COL4A2: variants seen among roughly 807,000 people sequenced by gnomAD.
COL4A2 encodes the protein collagen alpha-2(IV) chain.
COL4A2 carries 99 observed loss-of-function variants against 200.2 expected under a neutral mutation model. The observed-to-expected ratio is 0.49, with a 90% CI of 0.42 to 0.58. COL4A2 has a LOEUF of 0.58. Ranked by LOEUF, COL4A2 falls within the 20% of genes least tolerant of loss-of-function variation. The pLI is 0.00. For missense variants in COL4A2, 1,950 were observed against 2,314.1 expected (o/e 0.84, Z 3.23); for synonymous variants, 897 against 900.6 (o/e 1.00, Z 0.07).
intron 3 of COL4A2, among the ~76,000 whole-genome samples, chr13:110,318,165 T>C (rs1885189090): frequency 6.6e-6 from 1 of 152,164 alleles, no homozygotes; most frequent in Non-Finnish European, 1.5e-5. Flanking sequence ...TGTCCCAGGG[T>C]CTCATGTATG....
chr13:110,381,554 T>C (rs1878494366), intron 4 of COL4A2, among the ~76,000 whole-genome samples: 1 of 152,212 alleles, frequency 6.6e-6, no homozygotes, highest in African/African-American at 2.4e-5. Flanking sequence ...TTAGTGACTG[T>C]CTCGCACAAC....
chr13:110,509,667 G>A (rs1202189504), intron 47 of COL4A2, among the ~76,000 whole-genome samples: 1 of 152,120 alleles, frequency 6.6e-6, no homozygotes, highest in East Asian at 1.9e-4. Flanking sequence ...AGAAAGGTCA[G>A]GCATCCCCTG....
At chr13:110,352,137 G>T (rs1876989240) in intron 3 of COL4A2, among the ~76,000 whole-genome samples, 1 of 152,186 alleles carries the variant, frequency 6.6e-6, no homozygotes, top group African/African-American at 2.4e-5. Context: ...GCATGAAGGT[G>T]GTGCCCTCCT....
In COL4A2 at chr13:110,489,765, G is replaced by C; in HGVS notation, c.3326G>C (p.Arg1109Pro). ...GGAAGACCAGGCCTGAAGGGGGAGC[G>C]GGGCACCACTGGAATACCAGGTACG... ...LPGRPGLKGE[R>P]GTTGIPGLKG... Residue 1109 changes from arginine (R) to proline (P), a missense_variant, in exon 36 of 48, where the codon CGG becomes CCG. By Grantham distance (103) the Arg-to-Pro change is moderately radical (BLOSUM62 -2). This residue lies in a region of COL4A2 where 1,385 missense variants were observed against 1,720.5 expected (regional missense o/e 0.80). Transcript: ENST00000360467. 6.2e-7 allele frequency: 1 copy of C among 1,612,216 alleles called. No homozygotes were observed. Among genetic ancestry groups the C allele is most frequent in the Non-Finnish European group, 8.5e-7 (1 of 1,179,464 alleles).
chr13:110,341,253 C>G (rs1227886575), intron 3 of COL4A2, among the ~76,000 whole-genome samples: 3 of 152,310 alleles, frequency 2.0e-5, no homozygotes, highest in South Asian at 2.1e-4. Flanking sequence ...AGACCAACAC[C>G]GCCCTGCACA....
intron 29 of COL4A2, among the ~76,000 whole-genome samples, chr13:110,475,755 C>T (rs561335029): frequency 6.6e-6 from 1 of 152,352 alleles, no homozygotes; most frequent in African/African-American, 2.4e-5. Flanking sequence ...CACAAACACA[C>T]GCAGGTGCAC....
chr13:110,346,060 C>T (rs1017817338), intron 3 of COL4A2, among the ~76,000 whole-genome samples: 2 of 152,300 alleles, frequency 1.3e-5, no homozygotes, highest in East Asian at 3.9e-4. Flanking sequence ...TGGGCTGCCT[C>T]TATCACCCTC....
At chr13:110,455,145 G>A (rs190791176) in intron 20 of COL4A2, among the ~76,000 whole-genome samples, 2 of 152,250 alleles carry the variant, frequency 1.3e-5, no homozygotes, top group East Asian at 1.9e-4. Context: ...CCAGCCTGTC[G>A]TCCACACGGC....
intron 27 of COL4A2, chr13:110,468,374 G>A: frequency 6.4e-6 from 3 of 469,012 alleles, no homozygotes; most frequent in South Asian, 1.6e-5. Flanking sequence ...CCCCCAAAAT[G>A]GTGACAACTC....
At chr13:110,340,745 T>C (rs1358777600) in intron 3 of COL4A2, among the ~76,000 whole-genome samples, 2 of 152,192 alleles carry the variant, frequency 1.3e-5, no homozygotes, top group African/African-American at 2.4e-5. Context: ...GAGCTCACTC[T>C]ATGTCCTTGG....
At chr13:110,493,915 G>A (rs1195516784) in intron 39 of COL4A2, among the ~76,000 whole-genome samples, 1 of 152,100 alleles carries the variant, frequency 6.6e-6, no homozygotes, top group Non-Finnish European at 1.5e-5. Flanking sequence ...CCCCATCTTG[G>A]GGCCCCACCC....
intron 33 of COL4A2, among the ~76,000 whole-genome samples, chr13:110,485,379 C>T (rs539432779): frequency 6.6e-6 from 1 of 152,136 alleles, no homozygotes; most frequent in African/African-American, 2.4e-5. Context: ...AAAAAATTAG[C>T]CGGCATGGTG....
chr13:110,379,427 C>A (rs1365781336), intron 4 of COL4A2, among the ~76,000 whole-genome samples: 2 of 152,206 alleles, frequency 1.3e-5, no homozygotes, highest in Non-Finnish European at 2.9e-5. Flanking sequence ...TCTTGCAGCT[C>A]ATTTCTTTCA....
chr13:110,352,969 G>A (rs527745720), intron 3 of COL4A2, among the ~76,000 whole-genome samples: 32 of 152,318 alleles, frequency 2.1e-4, no homozygotes, highest in African/African-American at 7.5e-4. Flanking sequence ...CTGGCCCTGC[G>A]AGCTTCAGTG....
chr13:110,455,080 C>A (rs1305705270), intron 20 of COL4A2, among the ~76,000 whole-genome samples: 3 of 152,174 alleles, frequency 2.0e-5, no homozygotes, highest in Non-Finnish European at 4.4e-5. Flanking sequence ...CCCTTGCTAT[C>A]CACCACCACC....
At chr13:110,489,534 C>G in intron 35 of COL4A2, 26 bp downstream of exon 35, 1 of 1,613,648 alleles carries the variant, frequency 6.2e-7, no homozygotes, top group Non-Finnish European at 8.5e-7. Flanking sequence ...CCAGTGAAAA[C>G]AGGGAGTCCA....
intron 4 of COL4A2, among the ~76,000 whole-genome samples, chr13:110,396,148 C>T (rs530727656): frequency 2.0e-5 from 3 of 152,198 alleles, no homozygotes; most frequent in Non-Finnish European, 4.4e-5. Context: ...TATCCCCTCC[C>T]GCTACCTCTC....
chr13:110,400,834 C>T (rs1485135031), intron 4 of COL4A2, among the ~76,000 whole-genome samples: 1 of 152,152 alleles, frequency 6.6e-6, no homozygotes, highest in Non-Finnish European at 1.5e-5. Context: ...GAGTTGACTA[C>T]TTTGGCCAGC....
At chr13:110,315,114 A>C (rs1885097207) in intron 3 of COL4A2, among the ~76,000 whole-genome samples, 1 of 151,752 alleles carries the variant, frequency 6.6e-6, no homozygotes. Flanking sequence ...GGCCCCTGCC[A>C]GTTCTGCTCT....
Sources: allele counts gnomAD v4.1 joint callset (sites outside exome capture counted in the v4.1 genomes callset), GRCh38; gene constraint gnomAD v4.1.1; regional missense constraint gnomAD v4.1.1; transcripts MANE v1.5; gene names NCBI Gene and HGNC (gene_info 2026-07-23, HGNC 2026-07-21).